The following MED13L variants were observed in gnomAD, a reference collection of about 807,000 sequenced individuals.
The protein encoded by MED13L is mediator complex subunit 13L.
MED13L carries 7 observed loss-of-function variants against 220.9 expected under a neutral mutation model. The observed-to-expected ratio is 0.03, with a 90% CI of 0.02 to 0.06. MED13L has a LOEUF of 0.06. MED13L is among the 10% of genes least tolerant of loss of function. MED13L has a pLI of 1.00. For synonymous variants in MED13L, 1,011 were observed against 1,015.2 expected, an observed-to-expected ratio of 1.00 and a Z score of 0.08; for missense variants, 1,965 against 2,760.5, an observed-to-expected ratio of 0.71 and a Z score of 6.46.
chr12:116,081,753 G>A (rs1871254091), intron 4 of MED13L, among the ~76,000 whole-genome samples: 1 of 152,118 alleles, frequency 6.6e-6, no homozygotes, highest in Admixed American at 6.5e-5. Flanking sequence ...TATAGTCCCA[G>A]CTACTAATGT....
In MED13L at chr12:116,008,997, T is replaced by C; in HGVS notation, c.1416A>G (p.Arg472=). The C allele has an allele frequency of 6.2e-7, 1 of 1,614,122 alleles. No individual in the cohort carries two copies. The highest frequency in any genetic ancestry group is 1.1e-5 in the South Asian group (1 of 91,074). The part of the protein sequence containing the change: ...PASSKHKTAE[R]QEKGDKLQKR... ...TTTGCAGCTTGTCTCCTTTTTCCTG[T>C]CTTTCTGCTGTTTTGTGCTTAGAAG... The change falls in exon 10 of 31, where the codon AGA becomes AGG. Residue 472 remains arginine (R), a synonymous_variant. Coordinates refer to ENST00000281928, the MANE Select transcript of MED13L (RefSeq NM_015335.5).
intron 3 of MED13L, among the ~76,000 whole-genome samples, chr12:116,104,587 G>A (rs534543720): frequency 1.7e-4 from 26 of 152,292 alleles, no homozygotes; most frequent in African/African-American, 6.3e-4. Context: ...AGCAGCACCA[G>A]CTGACTGCTC....
chr12:116,029,955 T>C (rs11067885), intron 4 of MED13L, among the ~76,000 whole-genome samples: 47,359 of 151,432 alleles, frequency 0.31, 8,636 homozygotes, highest in Non-Finnish European at 0.41. Flanking sequence ...TCTTTTTGGG[T>C]TTTTTGTTTG....
At chr12:115,994,299 A>T (rs932418203) in intron 16 of MED13L, among the ~76,000 whole-genome samples, 1 of 152,098 alleles carries the variant, frequency 6.6e-6, no homozygotes, top group Admixed American at 6.5e-5. Context: ...ATTTCATAAA[A>T]ATTAGCTGGG....
chr12:116,196,951 G>A (rs948554286), intron 2 of MED13L, among the ~76,000 whole-genome samples: 1 of 151,972 alleles, frequency 6.6e-6, no homozygotes, highest in African/African-American at 2.4e-5. Flanking sequence ...CTTTTTGATG[G>A]GAATACATAT....
intron 3 of MED13L, among the ~76,000 whole-genome samples, chr12:116,103,305 G>A (rs758083509): frequency 1.3e-5 from 2 of 152,152 alleles, no homozygotes; most frequent in Non-Finnish European, 2.9e-5. Context: ...CCAGGCTGGA[G>A]TGCTGTGGCA....
chr12:115,966,400 G>A (rs1361232665), intron 28 of MED13L, among the ~76,000 whole-genome samples, 157 bp from the exon 29 acceptor site: 2 of 152,202 alleles, frequency 1.3e-5, no homozygotes, highest in Non-Finnish European at 2.9e-5. Flanking sequence ...AGCGGGGCCA[G>A]CATCGTCTTT....
In MED13L at chr12:115,991,805, G is replaced by A; in HGVS notation, c.3149C>T (p.Thr1050Ile). 1 of 1,613,728 alleles carries A rather than the reference G, an allele frequency of 6.2e-7. No individual in the cohort carries two copies. The highest frequency in any genetic ancestry group is 8.5e-7 in the Non-Finnish European group (1 of 1,180,010). ...TCTTGGGGTCCTGGGGGTTCGTGGT[G>A]TGGGGACAGAGAAGCGAGGGGTTGC... Reference protein sequence around the residue: ...SPATPRFSVPTPRTPRTPRTP... With the variant: ...SPATPRFSVPIPRTPRTPRTP... Residue 1050 changes from threonine (T) to isoleucine (I), a missense_variant, in exon 17 of 31, where the codon ACA becomes ATA. Thr to Ile is a moderately conservative substitution (Grantham distance 89, BLOSUM62 -1). Around this residue, in one of 10 missense-constraint regions of MED13L, gnomAD observed 233 missense variants for 306.2 expected, o/e 0.76. Transcript: ENST00000281928. This position sits in a 1 kb window ranked among gnomAD's most constrained non-coding sequence, Gnocchi z 7.7.
At chr12:116,196,919 T>C (rs1055228820) in intron 2 of MED13L, among the ~76,000 whole-genome samples, 3 of 152,228 alleles carry the variant, frequency 2.0e-5, no homozygotes, top group Non-Finnish European at 4.4e-5. Context: ...GGCATTTATA[T>C]CTAGTTATAT....
intron 19 of MED13L, 82 bp downstream of exon 19, chr12:115,986,184 A>G: frequency 2.9e-6 from 4 of 1,390,694 alleles, no homozygotes; most frequent in South Asian, 2.4e-5. Flanking sequence ...CTTTCAAGAC[A>G]TTTGTCTTGA....
chr12:116,061,911 G>A (rs1289657858), intron 4 of MED13L, among the ~76,000 whole-genome samples: 2 of 150,432 alleles, frequency 1.3e-5, no homozygotes, highest in Non-Finnish European at 1.5e-5. Context: ...AGGAGGCTGA[G>A]GCAGGAGAAT....
chr12:116,064,598 G>A (rs1869771718), intron 4 of MED13L, among the ~76,000 whole-genome samples: 1 of 152,214 alleles, frequency 6.6e-6, no homozygotes, highest in Admixed American at 6.5e-5. Flanking sequence ...GTCTCAGCTG[G>A]AGAAGGGAGT....
intron 7 of MED13L, 90 bp downstream of exon 7, chr12:116,019,134 A>C (rs561568525): frequency 1.5e-6 from 2 of 1,306,222 alleles, no homozygotes; most frequent in Admixed American, 4.9e-5. Flanking sequence ...TTCCAACAGG[A>C]ATTTCTGTTT....
chr12:116,236,343 C>T (rs1870078451), intron 2 of MED13L, among the ~76,000 whole-genome samples: 2 of 151,998 alleles, frequency 1.3e-5, no homozygotes, highest in Non-Finnish European at 2.9e-5. Context: ...TGTGGTTTAC[C>T]GCCCTCTGGC....
intron 4 of MED13L, among the ~76,000 whole-genome samples, chr12:116,069,741 A>C (rs1320909666): frequency 6.6e-6 from 1 of 152,236 alleles, no homozygotes; most frequent in African/African-American, 2.4e-5. Flanking sequence ...GAAAAATTCC[A>C]TACTTGACCT....
intron 4 of MED13L, among the ~76,000 whole-genome samples, chr12:116,038,824 A>T (rs1017933246): frequency 4.7e-5 from 7 of 149,390 alleles, no homozygotes; most frequent in Admixed American, 4.0e-4. Flanking sequence ...CCTTTCTTAT[A>T]GAACGTTATT....
chr12:116,031,707 AAAGAAAAGAAAAG>A (rs1373026545), intron 4 of MED13L, among the ~76,000 whole-genome samples: 6 of 54,976 alleles, frequency 1.1e-4, no homozygotes, highest in South Asian at 6.8e-4. Context: ...AAAGAAAAGA[AAAGAAAAGAAAAG>A]AAAAGAAAAG....
chr12:116,184,192 T>C lies in MED13L; in HGVS notation c.310+53276A>G, dbSNP rs551858528. On this transcript the variant is annotated intron_variant, in intron 2 of 30. Coordinates refer to ENST00000281928, the MANE Select transcript of MED13L (RefSeq NM_015335.5). ...CTTCAGAAAGGCAGAAACCCTCTGG[T>C]AAATTTGCCACAATCTTTAGTTAAA... Among the ~76,000 whole-genome samples the C allele has an allele frequency of 2.6e-5, 4 of 152,320 alleles. No individual in the cohort carries two copies. In the South Asian group the frequency reaches 6.2e-4, roughly 24 times the overall value.
intron 9 of MED13L, among the ~76,000 whole-genome samples, chr12:116,009,699 G>A (rs1433367841): frequency 6.6e-6 from 1 of 152,110 alleles, no homozygotes; most frequent in Non-Finnish European, 1.5e-5. Flanking sequence ...ACTATATCTA[G>A]GCAAGAAGGG....
Sources: allele counts gnomAD v4.1 joint callset (sites outside exome capture counted in the v4.1 genomes callset), GRCh38; gene constraint gnomAD v4.1.1; regional missense constraint gnomAD v4.1.1; non-coding constraint Gnocchi (gnomAD v3.1); transcripts MANE v1.5; gene names NCBI Gene and HGNC (gene_info 2026-07-23, HGNC 2026-07-21).